RABGAP1L: variants seen among roughly 807,000 people sequenced by gnomAD.
RABGAP1L encodes the protein rab GTPase-activating protein 1-like.
In RABGAP1L, 63 loss-of-function variants were observed where a neutral mutation model predicts 137.7. That is an observed-to-expected ratio of 0.46 (90% CI 0.37 to 0.56). The LOEUF is 0.56. Ranked by LOEUF, RABGAP1L falls within the 20% of genes least tolerant of loss-of-function variation. RABGAP1L has a pLI of 0.00. For missense variants in RABGAP1L, 1,095 were observed against 1,244.0 expected (o/e 0.88, Z 1.80); for synonymous variants, 431 against 433.7 (o/e 0.99, Z 0.08).
At chr1:174,681,364 A>G (rs747722723) in intron 14 of RABGAP1L, among the ~76,000 whole-genome samples, 2 of 152,138 alleles carry the variant, frequency 1.3e-5, no homozygotes, top group African/African-American at 2.4e-5. Context: ...CTACTCAGCA[A>G]TGAAAAGGAA....
chr1:174,680,410 G>C (rs72715277), intron 14 of RABGAP1L, among the ~76,000 whole-genome samples: 1 of 152,172 alleles, frequency 6.6e-6, no homozygotes, highest in Non-Finnish European at 1.5e-5. Context: ...CCAGGAAACC[G>C]ACCCTCATCA....
chr1:174,717,453 A>T (rs1681112635), intron 17 of RABGAP1L, among the ~76,000 whole-genome samples: 1 of 152,174 alleles, frequency 6.6e-6, no homozygotes, highest in Admixed American at 6.5e-5. Context: ...AAAGATAAAT[A>T]TCCAATAGTA....
chr1:174,439,464 G>A (rs1344309309), intron 13 of RABGAP1L, among the ~76,000 whole-genome samples: 1 of 152,244 alleles, frequency 6.6e-6, no homozygotes, highest in South Asian at 2.1e-4. Flanking sequence ...CATTTAAAGT[G>A]CATTGGTACT....
At chr1:174,618,878 G>A (rs1672165068) in intron 13 of RABGAP1L, among the ~76,000 whole-genome samples, 1 of 152,164 alleles carries the variant, frequency 6.6e-6, no homozygotes, top group East Asian at 1.9e-4. Flanking sequence ...AGGCAAAGAA[G>A]TTAAAAACTT....
chr1:174,863,242 A>AAAAAAAAAC (rs968791216), intron 19 of RABGAP1L, among the ~76,000 whole-genome samples: 1 of 129,006 alleles, frequency 7.8e-6, no homozygotes. Context: ...GCAAAAAAAA[A>AAAAAAAAAC]AAAAAAGAAA....
At chr1:174,367,305 A>G (rs936133143) in intron 11 of RABGAP1L, 1 of 153,996 alleles carries the variant, frequency 6.5e-6, no homozygotes. Context: ...AGCAGTATGA[A>G]TTAATCATGG....
At chr1:174,325,106 G>T (rs994595311) in intron 11 of RABGAP1L, among the ~76,000 whole-genome samples, 1 of 152,154 alleles carries the variant, frequency 6.6e-6, no homozygotes, top group Non-Finnish European at 1.5e-5. Context: ...TGGTTAGAAA[G>T]GAAGAACTAA....
intron 1 of RABGAP1L, among the ~76,000 whole-genome samples, chr1:174,191,901 A>G (rs17300775): frequency 0.23 from 35,087 of 152,128 alleles, 4,493 homozygotes; most frequent in Admixed American, 0.27. Context: ...ATACATCTAC[A>G]TTAATCAGTG....
chr1:174,873,375 A>G (rs1573605974), intron 19 of RABGAP1L, among the ~76,000 whole-genome samples: 1 of 151,498 alleles, frequency 6.6e-6, no homozygotes, highest in African/African-American at 2.4e-5. Context: ...GGCCTAAGCC[A>G]TATTTCTCTT....
At chr1:174,787,018 A>G (rs1399444823) in intron 18 of RABGAP1L, among the ~76,000 whole-genome samples, 1 of 152,154 alleles carries the variant, frequency 6.6e-6, no homozygotes, top group Non-Finnish European at 1.5e-5. Context: ...CGTGCCTACA[A>G]ATAATTGTCG....
chr1:174,199,741 A>G (rs1271941687), intron 1 of RABGAP1L, among the ~76,000 whole-genome samples: 1 of 152,190 alleles, frequency 6.6e-6, no homozygotes, highest in Non-Finnish European at 1.5e-5. Context: ...GGCAAATTTT[A>G]TTCTGGGTTT....
intron 19 of RABGAP1L, among the ~76,000 whole-genome samples, chr1:174,838,258 C>A (rs1057231801): frequency 5.3e-5 from 8 of 152,198 alleles, no homozygotes; most frequent in African/African-American, 1.9e-4. Context: ...ATCATTGGAA[C>A]TGAGGAAAGC....
intron 13 of RABGAP1L, among the ~76,000 whole-genome samples, chr1:174,472,900 A>G (rs975305112): frequency 1.3e-5 from 2 of 152,216 alleles, no homozygotes; most frequent in Non-Finnish European, 2.9e-5. Flanking sequence ...CAAGCATTTC[A>G]TTCTAAGAAT....
intron 12 of RABGAP1L, among the ~76,000 whole-genome samples, chr1:174,373,015 A>C (rs1242612386): frequency 6.6e-6 from 1 of 152,208 alleles, no homozygotes; most frequent in African/African-American, 2.4e-5. Context: ...CATTTCAAAA[A>C]TCTTACACAA....
At chr1:174,274,241 C>T (rs1280251056) in intron 8 of RABGAP1L, among the ~76,000 whole-genome samples, 1 of 151,972 alleles carries the variant, frequency 6.6e-6, no homozygotes, top group Non-Finnish European at 1.5e-5. Flanking sequence ...ACAGGAAAGT[C>T]CTATTTATAA....
At chr1:174,257,993 T>A (rs1458201208) in intron 7 of RABGAP1L, among the ~76,000 whole-genome samples, 1 of 152,232 alleles carries the variant, frequency 6.6e-6, no homozygotes, top group African/African-American at 2.4e-5. Flanking sequence ...ATTTCATTGC[T>A]TCCTTTTCCA....
intron 1 of RABGAP1L, among the ~76,000 whole-genome samples, chr1:174,176,161 A>AATGTT: frequency 6.6e-6 from 1 of 152,256 alleles, no homozygotes; most frequent in Admixed American, 6.5e-5. Flanking sequence ...CTTTTAAGGT[A>AATGTT]ATGTTGATAT....
chr1:174,776,774 G>A (rs1686561435), intron 18 of RABGAP1L, among the ~76,000 whole-genome samples: 1 of 152,166 alleles, frequency 6.6e-6, no homozygotes, highest in African/African-American at 2.4e-5. Context: ...CCATTAATTT[G>A]ATCTTTGCCT....
At chr1:174,502,370 C>T (rs1043508560) in intron 13 of RABGAP1L, among the ~76,000 whole-genome samples, 2 of 151,590 alleles carry the variant, frequency 1.3e-5, no homozygotes, top group African/African-American at 4.8e-5. Flanking sequence ...CACCCTTGAA[C>T]AAACCCCACT....
Sources: allele counts gnomAD v4.1 joint callset (sites outside exome capture counted in the v4.1 genomes callset), GRCh38; gene constraint gnomAD v4.1.1; transcripts MANE v1.5; gene names NCBI Gene and HGNC (gene_info 2026-07-23, HGNC 2026-07-21).